The following KCNIP1 variants were observed in gnomAD, a reference collection of about 807,000 sequenced individuals.
KCNIP1 encodes the protein A-type potassium channel modulatory protein KCNIP1.
A neutral mutation model predicts 33.0 loss-of-function variants in KCNIP1; 18 were observed. The ratio of observed to expected loss-of-function variants is 0.55; its 90% CI spans 0.38 to 0.81. The LOEUF is 0.81. KCNIP1 is among the 30% of genes least tolerant of loss of function. KCNIP1 has a pLI of 0.00. For synonymous variants in KCNIP1, 93 were observed against 98.3 expected (o/e 0.95, Z 0.32); for missense variants, 238 against 271.6 (o/e 0.88, Z 0.87).
chr5:170,600,541 G>A (rs529894801), intron 1 of KCNIP1, among the ~76,000 whole-genome samples: 3 of 152,122 alleles, frequency 2.0e-5, no homozygotes, highest in South Asian at 2.1e-4. Flanking sequence ...GTGTGCCCAC[G>A]CCTACCTCCT....
intron 1 of KCNIP1, among the ~76,000 whole-genome samples, chr5:170,700,618 C>T (rs73321312): frequency 0.16 from 24,451 of 152,112 alleles, 2,378 homozygotes; most frequent in African/African-American, 0.27. Context: ...GGACTGATCC[C>T]TCTGTGAGGG....
chr5:170,644,681 T>G (rs144958488), intron 1 of KCNIP1, among the ~76,000 whole-genome samples: 145 of 152,302 alleles, frequency 9.5e-4, no homozygotes, highest in African/African-American at 3.3e-3. Flanking sequence ...TTGAAACAAA[T>G]GGGCCATCAG....
chr5:170,449,435 G>A (rs1190105610), intron 1 of KCNIP1, among the ~76,000 whole-genome samples: 1 of 152,184 alleles, frequency 6.6e-6, no homozygotes, highest in Non-Finnish European at 1.5e-5. Flanking sequence ...AATGTGCAGG[G>A]CAGAGCCTGG....
chr5:170,678,081 A>G (rs187907321), intron 1 of KCNIP1, among the ~76,000 whole-genome samples: 99 of 152,358 alleles, frequency 6.5e-4, no homozygotes, highest in African/African-American at 2.0e-3. Flanking sequence ...GAAGGATGGA[A>G]CTTCAATAAA....
At chr5:170,469,360 C>T (rs114266703) in intron 1 of KCNIP1, among the ~76,000 whole-genome samples, 2 of 152,146 alleles carry the variant, frequency 1.3e-5, no homozygotes, top group Non-Finnish European at 2.9e-5. Flanking sequence ...ACGCCCTGCA[C>T]TCCTGCCTGG....
intron 1 of KCNIP1, among the ~76,000 whole-genome samples, chr5:170,666,738 C>T (rs1004553332): frequency 1.3e-5 from 2 of 152,180 alleles, no homozygotes; most frequent in African/African-American, 2.4e-5. Flanking sequence ...CCCTGGTTTA[C>T]CTCCCTGTCC....
intron 1 of KCNIP1, among the ~76,000 whole-genome samples, chr5:170,473,794 C>CA (rs1756789498): frequency 6.6e-6 from 1 of 152,130 alleles, no homozygotes; most frequent in Non-Finnish European, 1.5e-5. Context: ...AATTCACCCC[C>CA]AGGGAAGCTG....
At chr5:170,644,951 A>G (rs1760727764) in intron 1 of KCNIP1, among the ~76,000 whole-genome samples, 1 of 152,208 alleles carries the variant, frequency 6.6e-6, no homozygotes, top group South Asian at 2.1e-4. Flanking sequence ...GAAGATGTGT[A>G]TACTGGCCTC....
chr5:170,695,470 T>C (rs1228846017), intron 1 of KCNIP1, among the ~76,000 whole-genome samples: 1 of 152,246 alleles, frequency 6.6e-6, no homozygotes, highest in East Asian at 1.9e-4. Flanking sequence ...GTAACTGCTA[T>C]CCTGACTTCT....
chr5:170,640,589 A>G (rs578092134), intron 1 of KCNIP1, among the ~76,000 whole-genome samples: 6 of 152,334 alleles, frequency 3.9e-5, no homozygotes, highest in African/African-American at 1.4e-4. Context: ...GCTTTTGAGC[A>G]CAGAACAGCG....
At chr5:170,608,010 CATTT>C (rs1758997237) in intron 1 of KCNIP1, among the ~76,000 whole-genome samples, 1 of 152,152 alleles carries the variant, frequency 6.6e-6, no homozygotes, top group African/African-American at 2.4e-5. Context: ...AAACAATAGA[CATTT>C]ATTCTCTCAC....
At chr5:170,563,937 G>A (rs1213400476) in intron 1 of KCNIP1, among the ~76,000 whole-genome samples, 2 of 152,098 alleles carry the variant, frequency 1.3e-5, no homozygotes, top group Non-Finnish European at 2.9e-5. Flanking sequence ...TGCATCAGGC[G>A]TTTTAAGTTT....
intron 1 of KCNIP1, among the ~76,000 whole-genome samples, chr5:170,409,122 C>T (rs1463449822): frequency 6.6e-6 from 1 of 152,136 alleles, no homozygotes. Context: ...CTGATGCACC[C>T]GAGCTCACAC....
chr5:170,683,935 T>TG (rs71575591), intron 1 of KCNIP1, among the ~76,000 whole-genome samples: 25 of 149,338 alleles, frequency 1.7e-4, no homozygotes, highest in Admixed American at 6.7e-4. Flanking sequence ...TGTGTGTGTG[T>TG]TAGTAGAGAC....
intron 1 of KCNIP1, among the ~76,000 whole-genome samples, chr5:170,643,838 T>C (rs1760677814): frequency 1.3e-5 from 2 of 152,242 alleles, no homozygotes; most frequent in Admixed American, 1.3e-4. Context: ...ACCCCCTGGC[T>C]CTGTGCCTTC....
At chr5:170,460,222 G>C (rs1756475389) in intron 1 of KCNIP1, among the ~76,000 whole-genome samples, 1 of 152,020 alleles carries the variant, frequency 6.6e-6, no homozygotes, top group Non-Finnish European at 1.5e-5. Context: ...AAAAAGTCCA[G>C]GACCAGGTGG....
intron 1 of KCNIP1, among the ~76,000 whole-genome samples, chr5:170,589,785 GTGATGTGGT>G (rs2113546719): frequency 7.2e-6 from 1 of 139,652 alleles, no homozygotes; most frequent in Admixed American, 7.0e-5. Context: ...GTGGTGTGAT[GTGATGTGGT>G]GTGCGGTGCG....
chr5:170,393,971 T>C (rs548975950), intron 1 of KCNIP1, among the ~76,000 whole-genome samples: 1 of 152,286 alleles, frequency 6.6e-6, no homozygotes, highest in East Asian at 1.9e-4. Flanking sequence ...TTAGTGCAAA[T>C]CATCCCAGCT....
chr5:170,421,506 T>C (rs544722788), intron 1 of KCNIP1, among the ~76,000 whole-genome samples: 22 of 152,322 alleles, frequency 1.4e-4, no homozygotes, highest in African/African-American at 4.8e-4. Flanking sequence ...AAATCCATGA[T>C]TAAGAGTTGG....
Sources: allele counts gnomAD v4.1 joint callset (sites outside exome capture counted in the v4.1 genomes callset), GRCh38; gene constraint gnomAD v4.1.1; transcripts MANE v1.5; gene names NCBI Gene and HGNC (gene_info 2026-07-23, HGNC 2026-07-21).